Variants in MAGI2 observed in about 807,000 individuals in gnomAD.
The protein encoded by MAGI2 is membrane-associated guanylate kinase, WW and PDZ domain-containing protein 2.
MAGI2 carries 35 observed loss-of-function variants against 133.3 expected under a neutral mutation model. The observed-to-expected ratio is 0.26, with a 90% CI of 0.20 to 0.35. The LOEUF is 0.35. Among genes scored for constraint, MAGI2 ranks in the 10% least tolerant of loss-of-function variants. MAGI2 has a pLI of 1.00. For synonymous variants in MAGI2, 729 were observed against 710.6 expected (o/e 1.03, Z -0.41); for missense variants, 1,636 against 1,863.4 (o/e 0.88, Z 2.25).
chr7:78,287,549 CAAAT>C (rs946020122), intron 9 of MAGI2, among the ~76,000 whole-genome samples: 28 of 152,180 alleles, frequency 1.8e-4, no homozygotes, highest in African/African-American at 5.3e-4. Flanking sequence ...AGTTAAAACA[CAAAT>C]AAGTAGTATT....
intron 9 of MAGI2, among the ~76,000 whole-genome samples, chr7:78,262,703 C>T (rs949808798): frequency 1.6e-4 from 24 of 152,176 alleles, no homozygotes; most frequent in African/African-American, 4.6e-4. Flanking sequence ...TACTATGAGC[C>T]GGGCATCATG....
intron 6 of MAGI2, among the ~76,000 whole-genome samples, chr7:78,448,764 G>A (rs1040475914): frequency 4.0e-5 from 6 of 151,878 alleles, no homozygotes; most frequent in East Asian, 3.9e-4. Flanking sequence ...AGGCTTATGC[G>A]CACACTGAAA....
intron 20 of MAGI2, among the ~76,000 whole-genome samples, chr7:78,080,672 T>G (rs775231704): frequency 3.9e-4 from 60 of 152,230 alleles, no homozygotes; most frequent in Non-Finnish European, 7.3e-4. Flanking sequence ...CACGTCCAGC[T>G]GATTACTAAA....
intron 1 of MAGI2, among the ~76,000 whole-genome samples, chr7:79,408,485 G>GA (rs997067696): frequency 6.6e-6 from 1 of 150,574 alleles, no homozygotes; most frequent in Non-Finnish European, 1.5e-5. Flanking sequence ...TAGGACAAAA[G>GA]AAAAAAAAGA....
chr7:79,333,514 A>G (rs180873663), intron 1 of MAGI2, among the ~76,000 whole-genome samples: 1 of 152,180 alleles, frequency 6.6e-6, no homozygotes, highest in Admixed American at 6.5e-5. Flanking sequence ...CTACCAATCC[A>G]TTTTACAGTA....
At chr7:78,148,492 G>T (rs187768598) in intron 16 of MAGI2, among the ~76,000 whole-genome samples, 1 of 152,186 alleles carries the variant, frequency 6.6e-6, no homozygotes, top group East Asian at 1.9e-4. Flanking sequence ...TTTAAAATAG[G>T]GGGAAAAGTG....
chr7:78,072,333 G>T (rs1814798638), intron 21 of MAGI2, among the ~76,000 whole-genome samples: 1 of 152,164 alleles, frequency 6.6e-6, no homozygotes, highest in Non-Finnish European at 1.5e-5. Flanking sequence ...CCATTTAAAT[G>T]TTTTTCATGA....
chr7:78,756,557 T>TAC (rs1823968461), intron 2 of MAGI2, among the ~76,000 whole-genome samples: 1 of 152,172 alleles, frequency 6.6e-6, no homozygotes, highest in African/African-American at 2.4e-5. Flanking sequence ...ATTTGGCAGC[T>TAC]ATGTTTGCAC....
chr7:79,028,566 T>C (rs925538971), intron 1 of MAGI2, among the ~76,000 whole-genome samples: 32 of 151,918 alleles, frequency 2.1e-4, no homozygotes, highest in Admixed American at 1.8e-3. Flanking sequence ...CGTTACTATC[T>C]TATTATGAGA....
rs191299478 is a variant in MAGI2, at chr7:79,363,344, G to A, written c.301+89676C>T. Among the ~76,000 whole-genome samples, 365 of 137,706 alleles carry A rather than the reference G, an allele frequency of 2.7e-3. 15 individuals carry two copies. In the East Asian group the frequency reaches 0.07, roughly 26 times the overall value. The allele number at this position is 137,706 out of a possible 152,430, so 90.3% of individuals were successfully genotyped here. On this transcript the variant is annotated intron_variant, in intron 1 of 21. Transcript: ENST00000354212. ...TGTCTCTGTACTTAAATCATTCTTT[G>A]ATTTAAAGAGAGAGACATACTCTGT...
In MAGI2 at chr7:78,238,485, G is replaced by T. The variant is rs548943601; in HGVS notation, c.2047+17458C>A. On this transcript the variant is annotated intron_variant, in intron 10 of 21. Transcript: ENST00000354212. ...GGAGACTGAGGTGGGAGGATTACTT[G>T]AGCCCAGGAGTTCGAGGCTAGCCTG... Among the ~76,000 whole-genome samples the T allele has an allele frequency of 1.3e-4, 20 of 152,028 alleles. No homozygotes were observed. The South Asian group carries it at 4.2e-3, about 32-fold the overall frequency.
intron 6 of MAGI2, among the ~76,000 whole-genome samples, chr7:78,465,098 C>T (rs1345435133): frequency 6.6e-6 from 1 of 151,858 alleles, no homozygotes; most frequent in Admixed American, 6.6e-5. Context: ...ATTTATCAGG[C>T]AAAAAAACTC....
intron 1 of MAGI2, among the ~76,000 whole-genome samples, chr7:79,155,082 G>A (rs1048929303): frequency 1.1e-4 from 16 of 152,120 alleles, no homozygotes; most frequent in African/African-American, 3.9e-4. Context: ...TTTTCACAAG[G>A]CACATCCCAT....
At chr7:78,057,977 G>GTATGTATATATATATATATATATATA (rs1812776156) in intron 21 of MAGI2, among the ~76,000 whole-genome samples, 5 of 106,612 alleles carry the variant, frequency 4.7e-5, no homozygotes, top group African/African-American at 1.7e-4. Context: ...ATATATATGT[G>GTATGTATATATATATATATATATATA]TATATATATA....
chr7:78,845,830 A>G (rs1792553253), intron 2 of MAGI2, among the ~76,000 whole-genome samples: 1 of 151,912 alleles, frequency 6.6e-6, no homozygotes, highest in African/African-American at 2.4e-5. Flanking sequence ...GAGCTATAGC[A>G]TTTAAGCTGA....
chr7:79,345,101 A>G (rs115689956), intron 1 of MAGI2, among the ~76,000 whole-genome samples: 24,095 of 152,010 alleles, frequency 0.16, 2,067 homozygotes, highest in East Asian at 0.2. Context: ...CCCAACTCCA[A>G]GTACCTCAGA....
At position 78,517,866 on chromosome 7, in the gene MAGI2, G is replaced by A. The variant is rs117416761; in HGVS notation, c.754+3564C>T. 6.3e-3 allele frequency among the ~76,000 whole-genome samples: 951 copies of A among 152,124 alleles called. 6 individuals carry two copies. Among genetic ancestry groups the A allele is most frequent in the South Asian group, 0.01 (50 of 4,820 alleles). On this transcript the variant is annotated intron_variant, in intron 4 of 21. Coordinates refer to ENST00000354212, the MANE Select transcript of MAGI2 (RefSeq NM_012301.4). ...AATATTCACATGTCATGTGAATTTCGATAACATTGATAATGTTAGCAGAAC... is the reference window on the plus strand; with the variant it reads ...AATATTCACATGTCATGTGAATTTCAATAACATTGATAATGTTAGCAGAAC...
chr7:78,896,317 C>T (rs1215012902), intron 2 of MAGI2, among the ~76,000 whole-genome samples: 1 of 151,906 alleles, frequency 6.6e-6, no homozygotes, highest in Non-Finnish European at 1.5e-5. Context: ...GAGTTTTTAG[C>T]ATTTTCCTTG....
chr7:78,574,720 T>C (rs74955933), intron 3 of MAGI2, among the ~76,000 whole-genome samples: 3 of 152,194 alleles, frequency 2.0e-5, no homozygotes, highest in Non-Finnish European at 2.9e-5. Context: ...AGAATTATAG[T>C]CCTCACCACA....
Sources: allele counts gnomAD v4.1 joint callset (sites outside exome capture counted in the v4.1 genomes callset), GRCh38; gene constraint gnomAD v4.1.1; transcripts MANE v1.5; gene names NCBI Gene and HGNC (gene_info 2026-07-23, HGNC 2026-07-21).